Variants in CNIH3 observed in about 807,000 individuals in gnomAD.
The protein encoded by CNIH3 is cornichon family AMPA receptor auxiliary protein 3.
Under a neutral mutation model 24.1 loss-of-function variants are expected in CNIH3, and 14 were observed. That is an observed-to-expected ratio of 0.58 (90% CI 0.38 to 0.91). CNIH3 has a LOEUF of 0.91. CNIH3 is among the 40% of genes least tolerant of loss of function. The pLI is 0.00. For synonymous variants in CNIH3, 68 were observed against 73.8 expected, an observed-to-expected ratio of 0.92 and a Z score of 0.40; for missense variants, 178 against 196.8, an observed-to-expected ratio of 0.90 and a Z score of 0.57.
rs191059028 is a variant in CNIH3 at position 224,685,295 on chromosome 1, A to G, written c.198+452A>G. On this transcript the variant is annotated intron_variant, in intron 3 of 5. Coordinates refer to ENST00000272133, the MANE Select transcript of CNIH3 (RefSeq NM_152495.2). ...GCAATTTGATTGTCAGCATCACTGT[A>G]AGTGCTGGATGGGTGGGATGAGGCA... Among the ~76,000 whole-genome samples the G allele has an allele frequency of 5.7e-3, 874 of 152,290 alleles. 8 individuals carry two copies. The highest frequency in any genetic ancestry group is 0.019 in the African/African-American group (808 of 41,560).
Position 224,528,755 on chromosome 1 carries a change from A to G in CNIH3, n.343+7428A>G, listed in dbSNP as rs183345796. On this transcript the variant is annotated intron_variant and non_coding_transcript_variant, in intron 2 of 2. Coordinates refer to the CNIH3 transcript ENST00000470602. ...CATGATTATATTTTATGGTCACAAT[A>G]TAAAGACAAATTCATTTTTAAAAAG... Among the ~76,000 whole-genome samples the G allele has an allele frequency of 2.1e-3, 314 of 152,356 alleles. 2 individuals carry two copies. Among genetic ancestry groups the G allele is most frequent in the African/African-American group, 7.0e-3 (292 of 41,582 alleles).
intron 1 of CNIH3, among the ~76,000 whole-genome samples, chr1:224,657,496 GC>G (rs1297914443): frequency 1.3e-5 from 2 of 152,024 alleles, no homozygotes; most frequent in African/African-American, 4.8e-5. Flanking sequence ...GCTATCAATA[GC>G]CCAAAAGAAA....
intron 1 of CNIH3, among the ~76,000 whole-genome samples, chr1:224,669,151 C>T (rs923501515): frequency 7.9e-5 from 12 of 152,132 alleles, no homozygotes; most frequent in Admixed American, 3.9e-4. Context: ...TCACCTGAAG[C>T]GAGTCAGCTG....
At chr1:224,678,673 T>C (rs988841883) in intron 1 of CNIH3, among the ~76,000 whole-genome samples, 15 of 152,056 alleles carry the variant, frequency 9.9e-5, no homozygotes, top group Non-Finnish European at 1.8e-4. Flanking sequence ...AATGCAGTGC[T>C]GTCTGATAGC....
At chr1:224,669,663 G>T (rs928449090) in intron 1 of CNIH3, among the ~76,000 whole-genome samples, 1 of 152,166 alleles carries the variant, frequency 6.6e-6, no homozygotes, top group Non-Finnish European at 1.5e-5. Flanking sequence ...ACACTGCATG[G>T]TAATAATTAT....
rs1221043867 is a variant in CNIH3, at chr1:224,730,560, C to G, written c.297C>G (p.Phe99Leu). 1.9e-6 allele frequency: 3 copies of G among 1,552,374 alleles called. No individual in the cohort carries two copies. The highest frequency in any genetic ancestry group is 2.6e-6 in the Non-Finnish European group (3 of 1,145,976). Residue 99 changes from phenylalanine to leucine, a missense_variant, in exon 4 of 6, where the codon TTC becomes TTG. Physicochemically the swap from Phe to Leu is conservative, Grantham distance 22 (BLOSUM62 0). Transcript: ENST00000272133. ...LTLGLNVPLL[F>L]YHFWRYFHCP... ...TGGGGCTGAATGTCCCTCTACTTTT[C>G]TATCACTTCTGGAGGTAAGTCAGAC...
chr1:224,539,751 C>T (rs1460768140), downstream of CNIH3, among the ~76,000 whole-genome samples: 5 of 152,312 alleles, frequency 3.3e-5, no homozygotes, highest in South Asian at 8.3e-4. Flanking sequence ...CTCTACCTTT[C>T]CCTGTGCCAC....
At chr1:224,558,943 A>G (rs1680253822) in intron 3 of CNIH3, among the ~76,000 whole-genome samples, 1 of 152,222 alleles carries the variant, frequency 6.6e-6, no homozygotes, top group African/African-American at 2.4e-5. Flanking sequence ...TAACATCTGC[A>G]TGTCGTTTTA....
chr1:224,736,672 G>C (rs892753469), intron 5 of CNIH3, among the ~76,000 whole-genome samples: 1 of 152,110 alleles, frequency 6.6e-6, no homozygotes, highest in Non-Finnish European at 1.5e-5. Flanking sequence ...CCCAGTGTCC[G>C]CAGACTCTGT....
intron 1 of CNIH3, among the ~76,000 whole-genome samples, chr1:224,451,822 G>A (rs1263939195): frequency 1.3e-5 from 2 of 152,130 alleles, no homozygotes; most frequent in Admixed American, 1.3e-4. Context: ...GCAAAGTGGT[G>A]ACCCGATGAC....
intron 1 of CNIH3, among the ~76,000 whole-genome samples, chr1:224,653,302 A>G (rs1684948030): frequency 1.3e-5 from 2 of 151,984 alleles, no homozygotes; most frequent in South Asian, 4.1e-4. Flanking sequence ...CACGCCTATA[A>G]TCCCAGCTAC....
chr1:224,628,736 G>T (rs1683667809), intron 1 of CNIH3, among the ~76,000 whole-genome samples: 1 of 151,988 alleles, frequency 6.6e-6, no homozygotes. Flanking sequence ...AACCTGAAAG[G>T]CTGGTTTAGG....
At chr1:224,468,188 C>T (rs1676226025) in intron 1 of CNIH3, among the ~76,000 whole-genome samples, 1 of 152,072 alleles carries the variant, frequency 6.6e-6, no homozygotes, top group African/African-American at 2.4e-5. Context: ...CTTTACCTTT[C>T]CATATAAATT....
chr1:224,637,045 G>A (rs527281371), intron 1 of CNIH3, among the ~76,000 whole-genome samples: 177 of 150,852 alleles, frequency 1.2e-3, no homozygotes, highest in African/African-American at 3.8e-3. Context: ...TCCGCCTCCC[G>A]GGTTCAAGCG....
At chr1:224,700,425 G>C (rs929615616) in intron 3 of CNIH3, among the ~76,000 whole-genome samples, 2 of 152,198 alleles carry the variant, frequency 1.3e-5, no homozygotes, top group African/African-American at 4.8e-5. Flanking sequence ...CACTAGAGAA[G>C]AGTTTTCATG....
Position 224,739,321 on chromosome 1 carries a change from G to A in CNIH3, c.456-8G>A. Reference sequence around the variant, plus strand: ...TTTTTTTTTTTTTTTTTTTTTTTTTGCATTCAGCATGATCTACACTTTAGT... The same window carrying A: ...TTTTTTTTTTTTTTTTTTTTTTTTTACATTCAGCATGATCTACACTTTAGT... On this transcript the variant is annotated splice_polypyrimidine_tract_variant and splice_region_variant and intron_variant, in intron 5 of 5. Transcript: ENST00000272133. 3 of 688,860 alleles carry A rather than the reference G, an allele frequency of 4.4e-6. No homozygotes were observed. The highest frequency in any genetic ancestry group is 4.0e-6 in the Non-Finnish European group (2 of 505,978). The allele number at this position is 688,860 out of a possible 1,614,324, so 42.7% of individuals were successfully genotyped here.
intron 5 of CNIH3, among the ~76,000 whole-genome samples, chr1:224,584,163 T>C (rs1681394818): frequency 6.6e-6 from 1 of 152,252 alleles, no homozygotes; most frequent in Non-Finnish European, 1.5e-5. Context: ...TTTTAAAAGC[T>C]ATTTTATTAT....
intron 2 of CNIH3, among the ~76,000 whole-genome samples, chr1:224,524,087 TA>T (rs1678748783): frequency 6.6e-6 from 1 of 152,134 alleles, no homozygotes; most frequent in Non-Finnish European, 1.5e-5. Flanking sequence ...CCAGCATGAT[TA>T]AAAAGGGCCT....
intron 4 of CNIH3, among the ~76,000 whole-genome samples, chr1:224,579,446 G>T (rs1230925048): frequency 6.6e-6 from 1 of 152,164 alleles, no homozygotes; most frequent in Non-Finnish European, 1.5e-5. Flanking sequence ...ATCTCTTTAT[G>T]TCAGTATCTC....
Sources: gnomAD v4.1 joint callset for allele counts (sites outside exome capture counted in the v4.1 genomes callset) on GRCh38, gnomAD v4.1.1 for gene constraint, MANE v1.5 for transcripts, NCBI Gene and HGNC (gene_info 2026-07-23, HGNC 2026-07-21) for gene names.